CNTN5: variants seen among roughly 807,000 people sequenced by gnomAD.
CNTN5 encodes contactin 5, also known as contactin-5.
A neutral mutation model predicts 129.1 loss-of-function variants in CNTN5; 77 were observed. That is an observed-to-expected ratio of 0.60 (90% CI 0.50 to 0.72). The LOEUF (loss-of-function observed/expected upper bound fraction) is 0.72, where lower values mean the gene tolerates loss of function less well. CNTN5 is among the 30% of genes least tolerant of loss of function. CNTN5 has a pLI of 0.00. For synonymous variants in CNTN5, 509 were observed against 465.6 expected, an observed-to-expected ratio of 1.09 and a Z score of -1.20; for missense variants, 1,478 against 1,328.8, an observed-to-expected ratio of 1.11 and a Z score of -1.75.
At chr11:99,993,831 G>A (rs1939278812) in intron 8 of CNTN5, among the ~76,000 whole-genome samples, 1 of 152,126 alleles carries the variant, frequency 6.6e-6, no homozygotes, top group Non-Finnish European at 1.5e-5. Flanking sequence ...ATTATCATTT[G>A]TTAAATGGCA....
chr11:99,665,478 A>ATTTTT (rs34435537), intron 3 of CNTN5, among the ~76,000 whole-genome samples: 20 of 65,948 alleles, frequency 3.0e-4, no homozygotes, highest in African/African-American at 9.2e-4. Context: ...TGAAACTACA[A>ATTTTT]TTTTTTTTTT....
At chr11:99,041,906 T>C (rs1027513706) in intron 1 of CNTN5, among the ~76,000 whole-genome samples, 4 of 152,190 alleles carry the variant, frequency 2.6e-5, no homozygotes, top group African/African-American at 4.8e-5. Flanking sequence ...AATACAAAAG[T>C]ATATATGCCA....
chr11:99,894,882 T>C (rs1433115706), intron 6 of CNTN5, among the ~76,000 whole-genome samples: 1 of 152,204 alleles, frequency 6.6e-6, no homozygotes, highest in African/African-American at 2.4e-5. Context: ...TGAAAAAACA[T>C]AGGAAGACAT....
chr11:99,681,227 A>C (rs1052602393), intron 3 of CNTN5, among the ~76,000 whole-genome samples: 10 of 152,062 alleles, frequency 6.6e-5, no homozygotes, highest in Admixed American at 4.6e-4. Context: ...ATATTATATA[A>C]ATTTAGTTAA....
intron 3 of CNTN5, among the ~76,000 whole-genome samples, chr11:99,697,188 A>G (rs1038945853): frequency 2.0e-5 from 3 of 152,010 alleles, no homozygotes; most frequent in Admixed American, 6.6e-5. Context: ...CAGAATTTCA[A>G]ATAAATTATG....
At chr11:99,183,943 C>T (rs896537515) in intron 1 of CNTN5, among the ~76,000 whole-genome samples, 2 of 151,984 alleles carry the variant, frequency 1.3e-5, no homozygotes, top group Non-Finnish European at 2.9e-5. Flanking sequence ...TATCCTGTTC[C>T]TTATTCACAT....
chr11:99,497,289 A>T (rs540250875), intron 2 of CNTN5, among the ~76,000 whole-genome samples: 25 of 152,364 alleles, frequency 1.6e-4, no homozygotes, highest in African/African-American at 6.0e-4. Context: ...TAAACTAGGG[A>T]GAAATAGATT....
At chr11:100,347,714 C>A (rs1273234340) in intron 23 of CNTN5, among the ~76,000 whole-genome samples, 2 of 151,574 alleles carry the variant, frequency 1.3e-5, no homozygotes, top group Non-Finnish European at 3.0e-5. Flanking sequence ...ATTCATCTAA[C>A]TTCCATTGTC....
chr11:99,205,448 A>G (rs1859431537), intron 1 of CNTN5, among the ~76,000 whole-genome samples: 1 of 152,048 alleles, frequency 6.6e-6, no homozygotes, highest in Non-Finnish European at 1.5e-5. Flanking sequence ...CAATACCAGG[A>G]AGTAATTCGT....
intron 15 of CNTN5, among the ~76,000 whole-genome samples, chr11:100,218,843 T>A (rs1949199615): frequency 6.6e-6 from 1 of 152,138 alleles, no homozygotes. Context: ...ACGTGGACCA[T>A]CTTGTAGGCA....
intron 1 of CNTN5, among the ~76,000 whole-genome samples, chr11:99,278,802 T>C (rs1863565789): frequency 6.6e-6 from 1 of 151,730 alleles, no homozygotes; most frequent in Non-Finnish European, 1.5e-5. Context: ...TGTAGTAATC[T>C]GTATTAAATA....
At chr11:99,988,082 A>G (rs1938808315) in intron 8 of CNTN5, among the ~76,000 whole-genome samples, 2 of 152,320 alleles carry the variant, frequency 1.3e-5, no homozygotes, top group East Asian at 3.9e-4. Flanking sequence ...CCTTTGAACC[A>G]TATCATACAC....
intron 1 of CNTN5, among the ~76,000 whole-genome samples, chr11:99,191,587 A>G (rs1858645625): frequency 6.6e-6 from 1 of 151,842 alleles, no homozygotes; most frequent in African/African-American, 2.4e-5. Context: ...AAATGTTACA[A>G]TTTTATGAAG....
At chr11:99,321,147 T>C (rs988338978) in intron 1 of CNTN5, among the ~76,000 whole-genome samples, 10 of 151,806 alleles carry the variant, frequency 6.6e-5, no homozygotes, top group Admixed American at 2.0e-4. Context: ...AGCTTGCCAA[T>C]TGCACATCTT....
At chr11:99,367,359 A>C (rs1939516890) in intron 2 of CNTN5, among the ~76,000 whole-genome samples, 1 of 152,156 alleles carries the variant, frequency 6.6e-6, no homozygotes, top group East Asian at 1.9e-4. Flanking sequence ...TTTTTAAAGA[A>C]ACATTAAAAG....
chr11:99,452,809 A>G (rs942072445), intron 2 of CNTN5, among the ~76,000 whole-genome samples: 3 of 152,212 alleles, frequency 2.0e-5, no homozygotes, highest in African/African-American at 7.2e-5. Flanking sequence ...AATTACAAAT[A>G]AAAAGACTGG....
intron 3 of CNTN5, among the ~76,000 whole-genome samples, chr11:99,660,974 T>C (rs1462397295): frequency 6.6e-6 from 1 of 152,058 alleles, no homozygotes; most frequent in Non-Finnish European, 1.5e-5. Flanking sequence ...GAAAATACAT[T>C]GATTATTCTT....
intron 3 of CNTN5, among the ~76,000 whole-genome samples, chr11:99,668,412 A>G (rs1030694180): frequency 6.6e-6 from 1 of 152,058 alleles, no homozygotes; most frequent in Non-Finnish European, 1.5e-5. Flanking sequence ...CTTCTTGTCT[A>G]TCATAAGGGA....
At chr11:99,781,431 T>A (rs759507118) in intron 3 of CNTN5, among the ~76,000 whole-genome samples, 19 of 152,092 alleles carry the variant, frequency 1.2e-4, no homozygotes, top group Non-Finnish European at 2.4e-4. Context: ...GAATGAGAAG[T>A]GGCCAAGCTC....
Sources: allele counts gnomAD v4.1 joint callset (sites outside exome capture counted in the v4.1 genomes callset), GRCh38; gene constraint gnomAD v4.1.1; transcripts MANE v1.5; gene names NCBI Gene and HGNC (gene_info 2026-07-23, HGNC 2026-07-21).